Variants in GCLC observed in about 807,000 individuals in gnomAD.
The protein encoded by GCLC is glutamate-cysteine ligase catalytic subunit.
GCLC carries 30 observed loss-of-function variants against 81.5 expected under a neutral mutation model. The observed-to-expected ratio is 0.37, with a 90% CI of 0.28 to 0.50. The LOEUF (loss-of-function observed/expected upper bound fraction) is 0.50, where lower values mean the gene tolerates loss of function less well. Among genes scored for constraint, GCLC ranks in the 20% least tolerant of loss-of-function variants. The pLI is 0.96. For synonymous variants in GCLC, 262 were observed against 273.3 expected (o/e 0.96, Z 0.41); for missense variants, 556 against 777.4 (o/e 0.72, Z 3.39).
At chr6:53,519,084 AC>A (rs1762937428) in intron 3 of GCLC, among the ~76,000 whole-genome samples, 1 of 152,148 alleles carries the variant, frequency 6.6e-6, no homozygotes. Flanking sequence ...CTACTCTCAC[AC>A]TACAGCCCAA....
intron 1 of GCLC, among the ~76,000 whole-genome samples, chr6:53,528,464 T>C (rs1326731860): frequency 6.6e-6 from 1 of 152,142 alleles, no homozygotes; most frequent in Non-Finnish European, 1.5e-5. Context: ...CATATATATT[T>C]GATGATTTAA....
rs1444032034 is a variant in GCLC, at chr6:53,501,735, A to G, written c.1396-1222T>C. Among the ~76,000 whole-genome samples the G allele has an allele frequency of 6.6e-5, 10 of 152,360 alleles. No individual in the cohort carries two copies. In the East Asian group the frequency reaches 1.3e-3, roughly 21 times the overall value. On this transcript the variant is annotated intron_variant, in intron 12 of 15. Coordinates refer to ENST00000650454, the MANE Select transcript of GCLC (RefSeq NM_001498.4). Reference sequence around the variant, plus strand: ...ACTCTAGGAGCATACTCAAATAAATAGTATACATTCCACCATGGCTGTGAA... The same window carrying G: ...ACTCTAGGAGCATACTCAAATAAATGGTATACATTCCACCATGGCTGTGAA...
At chr6:53,531,245 A>G (rs1295064796) in intron 1 of GCLC, among the ~76,000 whole-genome samples, 1 of 152,240 alleles carries the variant, frequency 6.6e-6, no homozygotes, top group Admixed American at 6.5e-5. Context: ...TTTGTGGGCC[A>G]TGATGAGTTG....
In GCLC at chr6:53,544,348, A is replaced by T. The variant is rs1354474849; in HGVS notation, c.150+148T>A. ...CGCGGACTAGGCGAAAGCAGGGACG[A>T]TGCTCCCGGGGCCGGGAGGCGCTCG... On this transcript the variant is annotated intron_variant, in intron 1 of 15. Coordinates refer to ENST00000650454, the MANE Select transcript of GCLC (RefSeq NM_001498.4). 11 of 714,498 alleles carry T rather than the reference A, an allele frequency of 1.5e-5. No homozygotes were observed. In the East Asian group the frequency reaches 3.0e-4, roughly 19 times the overall value. 44.3% of individuals were successfully genotyped at this position (714,498 alleles called of 1,614,324 possible). A position where few individuals can be genotyped will look rare whatever the true frequency, so the allele number is the denominator to read the frequency against.
At chr6:53,502,120 A>T (rs1764524789) in intron 12 of GCLC, among the ~76,000 whole-genome samples, 1 of 152,216 alleles carries the variant, frequency 6.6e-6, no homozygotes, top group Non-Finnish European at 1.5e-5. Flanking sequence ...TCTACTTTTG[A>T]GAAGTGAAGA....
chr6:53,498,957 C>T lies in GCLC; in HGVS notation c.1713G>A (p.Met571Ile). 1 of 1,610,248 alleles carries T rather than the reference C, an allele frequency of 6.2e-7. No homozygotes were observed. The highest frequency in any genetic ancestry group is 8.5e-7 in the Non-Finnish European group (1 of 1,177,000). ...ACTCCCTCATCCATCTGGCAACTGT[C>T]ATTAGTTCTCCTGTGGGCGAGGGGG... ...LIKKRASGEL[M>I]TVARWMREFI... Residue 571 changes from methionine to isoleucine, a missense_variant, in exon 16 of 16, where the codon ATG becomes ATA. This residue lies in a region of GCLC where 313 missense variants were observed against 437.3 expected (regional missense o/e 0.72). Transcript: ENST00000650454.
In GCLC at chr6:53,498,978, G is replaced by C. The variant is rs2066507; in HGVS notation, c.1703-11C>G. On this transcript the variant is annotated splice_polypyrimidine_tract_variant and intron_variant, in intron 15 of 15. Transcript: ENST00000650454. ...CTGTCATTAGTTCTCCTGTGGGCGA[G>C]GGGGGAGCGAAAAAAAAATTAAAAC... 2.3e-3 allele frequency: 3,703 copies of C among 1,581,032 alleles called. 107 individuals are homozygous for C. In the East Asian group the frequency reaches 0.064, roughly 27 times the overall value.
At chr6:53,507,340 G>C in intron 9 of GCLC, 140 bp downstream of exon 9, 2 of 832,170 alleles carry the variant, frequency 2.4e-6, no homozygotes, top group South Asian at 1.5e-5. Context: ...GAAACTTTAG[G>C]AACAAGTAGC....
chr6:53,500,614 G>C, intron 12 of GCLC, 101 bp from the exon 13 acceptor site: 1 of 844,832 alleles, frequency 1.2e-6, no homozygotes, highest in Non-Finnish European at 2.0e-6. Context: ...CATTCCCTTA[G>C]GGATTCTACT....
At chr6:53,517,079 A>AAT (rs372330233) in intron 3 of GCLC, among the ~76,000 whole-genome samples, 18,872 of 104,698 alleles carry the variant, frequency 0.18, 1,927 homozygotes, top group South Asian at 0.27. Flanking sequence ...TTAAAAAAAA[A>AAT]TTTTTTTTTT....
intron 4 of GCLC, among the ~76,000 whole-genome samples, chr6:53,515,178 C>T (rs1367364621): frequency 6.6e-6 from 1 of 152,154 alleles, no homozygotes; most frequent in African/African-American, 2.4e-5. Context: ...TTATGTTCAT[C>T]TGGTTTTTAC....
At chr6:53,538,621 C>T (rs556825457) in intron 1 of GCLC, among the ~76,000 whole-genome samples, 1 of 152,308 alleles carries the variant, frequency 6.6e-6, no homozygotes, top group East Asian at 1.9e-4. Flanking sequence ...GTCACTTCAG[C>T]ATTCTGAACC....
intron 12 of GCLC, among the ~76,000 whole-genome samples, chr6:53,502,033 A>G (rs528867906): frequency 7.2e-5 from 11 of 152,348 alleles, no homozygotes; most frequent in Admixed American, 7.2e-4. Flanking sequence ...TTGGAAAGAC[A>G]TTTTTAATTT....
intron 12 of GCLC, 133 bp from the exon 13 acceptor site, chr6:53,500,646 T>G (rs967594948): frequency 1.4e-6 from 1 of 734,158 alleles, no homozygotes; most frequent in African/African-American, 1.7e-5. Context: ...TGCTTCCCAG[T>G]GGGAGGAACA....
At chr6:53,525,301 T>C (rs1763061386) in intron 1 of GCLC, among the ~76,000 whole-genome samples, 1 of 152,236 alleles carries the variant, frequency 6.6e-6, no homozygotes, top group Admixed American at 6.5e-5. Flanking sequence ...AGAGCCTGTC[T>C]ATATGAGCAT....
In GCLC at chr6:53,498,601, A is replaced by T; in HGVS notation, c.*155T>A. 2 of 675,334 alleles carry T rather than the reference A, an allele frequency of 3.0e-6. No individual in the cohort carries two copies. Among genetic ancestry groups the T allele is most frequent in the Non-Finnish European group, 5.4e-6 (2 of 370,224 alleles). The allele number at this position is 675,334 out of a possible 1,614,324, so 41.8% of individuals were successfully genotyped here. ...TGTACACTGTATAAACTCTAGATTTACCTACCAAAGAAAGCCTTAATCAAT... is the reference window on the plus strand; with the variant it reads ...TGTACACTGTATAAACTCTAGATTTTCCTACCAAAGAAAGCCTTAATCAAT... On this transcript the variant is annotated 3_prime_UTR_variant, in exon 16 of 16. Coordinates refer to ENST00000650454, the MANE Select transcript of GCLC (RefSeq NM_001498.4).
chr6:53,511,947 C>CTTTT (rs535000790), intron 6 of GCLC, among the ~76,000 whole-genome samples: 3 of 113,560 alleles, frequency 2.6e-5, no homozygotes, highest in Admixed American at 8.9e-5. Flanking sequence ...GAACTTAGTG[C>CTTTT]TTTTTTTTTT....
Position 53,515,685 on chromosome 6 carries a change from A to G in GCLC, c.560+424T>C, listed in dbSNP as rs569829260. Among the ~76,000 whole-genome samples, 49 of 152,340 alleles carry G rather than the reference A, an allele frequency of 3.2e-4. 1 individual carries two copies. The highest frequency in any genetic ancestry group is 1.9e-4 in the East Asian group (1 of 5,188). ...ATGGAAGAGAGTGCCTATTATATAT[A>G]TCAGGTACTGCACCTATTTTATAAG... On this transcript the variant is annotated intron_variant, in intron 4 of 15. Transcript: ENST00000650454.
intron 3 of GCLC, among the ~76,000 whole-genome samples, chr6:53,518,296 G>A (rs913518599): frequency 1.3e-5 from 2 of 152,008 alleles, no homozygotes; most frequent in Admixed American, 1.3e-4. Context: ...TGTCACCCAG[G>A]CTGGAGCAGA....
Sources: gnomAD v4.1 joint callset for allele counts (sites outside exome capture counted in the v4.1 genomes callset) on GRCh38, gnomAD v4.1.1 for gene constraint, gnomAD v4.1.1 regional missense constraint, MANE v1.5 for transcripts, NCBI Gene and HGNC (gene_info 2026-07-23, HGNC 2026-07-21) for gene names.